SPATS2L: variants seen among roughly 807,000 people sequenced by gnomAD.
The protein encoded by SPATS2L is spermatogenesis associated serine rich 2 like.
Under a neutral mutation model 59.6 loss-of-function variants are expected in SPATS2L, and 30 were observed. The ratio of observed to expected loss-of-function variants is 0.50; its 90% CI spans 0.38 to 0.68. SPATS2L has a LOEUF of 0.68. Ranked by LOEUF, SPATS2L falls within the 30% of genes least tolerant of loss-of-function variation. SPATS2L has a pLI of 0.00. For missense variants in SPATS2L, 615 were observed against 700.0 expected (o/e 0.88, Z 1.37); for synonymous variants, 252 against 263.5 (o/e 0.96, Z 0.42).
intron 3 of SPATS2L, among the ~76,000 whole-genome samples, chr2:200,395,689 C>T (rs948687319): frequency 2.0e-5 from 3 of 151,832 alleles, no homozygotes; most frequent in African/African-American, 7.3e-5. Flanking sequence ...GTTTATTTCA[C>T]AATTAAAAAA....
chr2:200,477,131 A>C (rs779753554), intron 12 of SPATS2L, among the ~76,000 whole-genome samples: 14 of 152,216 alleles, frequency 9.2e-5, no homozygotes, highest in Non-Finnish European at 1.8e-4. Flanking sequence ...GTTTTGGAAA[A>C]GGCAATATTT....
At chr2:200,453,766 G>T (rs1399275853) in intron 8 of SPATS2L, among the ~76,000 whole-genome samples, 1 of 152,232 alleles carries the variant, frequency 6.6e-6, no homozygotes, top group Non-Finnish European at 1.5e-5. Context: ...AGAGCCCACA[G>T]TGGAGGGAGA....
rs529689319 is a variant in SPATS2L, at chr2:200,388,110, C to T, written c.-22-1113C>T. On this transcript the variant is annotated intron_variant, in intron 2 of 12. Coordinates refer to ENST00000409140, the MANE Select transcript of SPATS2L (RefSeq NM_001100423.2). ...ATGAAATTATGGACAATAAAAATTA[C>T]AATGAAGATACATATGTATCAATCT... 5.3e-5 allele frequency among the ~76,000 whole-genome samples: 8 copies of T among 152,152 alleles called. 1 individual carries two copies. In the East Asian group the frequency reaches 7.7e-4, roughly 15 times the overall value.
chr2:200,337,556 G>A (rs2080182933), intron 2 of SPATS2L, among the ~76,000 whole-genome samples: 1 of 152,110 alleles, frequency 6.6e-6, no homozygotes, highest in South Asian at 2.1e-4. Flanking sequence ...GGGTACCTGG[G>A]CATTTTCTGG....
intron 2 of SPATS2L, among the ~76,000 whole-genome samples, chr2:200,376,413 T>C (rs1317345609): frequency 6.6e-6 from 1 of 152,212 alleles, no homozygotes; most frequent in Non-Finnish European, 1.5e-5. Context: ...CTAAAGGGAA[T>C]TAAAATCATA....
intron 1 of SPATS2L, among the ~76,000 whole-genome samples, chr2:200,321,756 C>T (rs1440954357): frequency 6.6e-6 from 1 of 152,130 alleles, no homozygotes; most frequent in East Asian, 1.9e-4. Flanking sequence ...ACTTACAGTT[C>T]TTTAGTGTCT....
chr2:200,386,977 G>A (rs2082012895), intron 2 of SPATS2L, among the ~76,000 whole-genome samples: 3 of 152,204 alleles, frequency 2.0e-5, no homozygotes, highest in Admixed American at 2.0e-4. Context: ...ATTGCAGACT[G>A]TCTTGCAGGC....
At chr2:200,338,191 A>G (rs2080205248) in intron 2 of SPATS2L, among the ~76,000 whole-genome samples, 1 of 151,836 alleles carries the variant, frequency 6.6e-6, no homozygotes, top group Admixed American at 6.6e-5. Flanking sequence ...CTCCTGGCTA[A>G]TTTTTGTATT....
intron 3 of SPATS2L, among the ~76,000 whole-genome samples, chr2:200,411,692 A>T (rs1476036922): frequency 2.6e-5 from 4 of 152,148 alleles, no homozygotes; most frequent in Non-Finnish European, 4.4e-5. Flanking sequence ...AACCTATTGA[A>T]ATCCTTAGTG....
At chr2:200,387,632 A>G (rs3769450) in intron 2 of SPATS2L, among the ~76,000 whole-genome samples, 51,855 of 152,104 alleles carry the variant, frequency 0.34, 9,710 homozygotes, top group Admixed American at 0.48. Flanking sequence ...AGTGGGGAAG[A>G]ATCAGAGAAT....
chr2:200,364,964 T>G (rs767782948), intron 2 of SPATS2L, among the ~76,000 whole-genome samples: 1 of 152,210 alleles, frequency 6.6e-6, no homozygotes, highest in Non-Finnish European at 1.5e-5. Context: ...TTTTATTGAT[T>G]AAGAAAGTCT....
chr2:200,414,062 AG>A (rs1350671040), intron 4 of SPATS2L, among the ~76,000 whole-genome samples: 2 of 152,162 alleles, frequency 1.3e-5, no homozygotes, highest in African/African-American at 4.8e-5. Flanking sequence ...GCTTTAGGAA[AG>A]GGTAAAGGCT....
chr2:200,428,590 C>T (rs1287337397), intron 6 of SPATS2L, among the ~76,000 whole-genome samples: 2 of 152,164 alleles, frequency 1.3e-5, no homozygotes, highest in African/African-American at 4.8e-5. Flanking sequence ...CTCACAAACT[C>T]ATCTTCCTAG....
intron 2 of SPATS2L, among the ~76,000 whole-genome samples, chr2:200,361,002 T>C (rs2081082871): frequency 6.6e-6 from 1 of 151,304 alleles, no homozygotes; most frequent in Admixed American, 6.6e-5. Context: ...TGTGTGACTG[T>C]GTATGTGTGT....
At chr2:200,313,998 A>G (rs192282499) in intron 1 of SPATS2L, among the ~76,000 whole-genome samples, 23 of 152,168 alleles carry the variant, frequency 1.5e-4, no homozygotes, top group African/African-American at 5.3e-4. Context: ...AGCCTCCCCT[A>G]CAGTTCAGCC....
rs553679045 is a variant in SPATS2L at position 200,383,604 on chromosome 2, A to G, written c.-22-5619A>G. Among the ~76,000 whole-genome samples, 7 of 152,310 alleles carry G rather than the reference A, an allele frequency of 4.6e-5. No individual in the cohort carries two copies. The South Asian group carries it at 1.4e-3, about 32-fold the overall frequency. On this transcript the variant is annotated intron_variant, in intron 2 of 12. Transcript: ENST00000409140. ...AGCTCCCTGGTTAAGTCTGTTGATT[A>G]GCCAGAAAGTCAAGTCGATCCAGTC...
intron 3 of SPATS2L, among the ~76,000 whole-genome samples, chr2:200,403,336 A>G (rs2082591841): frequency 6.6e-6 from 1 of 152,214 alleles, no homozygotes; most frequent in African/African-American, 2.4e-5. Context: ...CTTATGAAAA[A>G]TTGCAGAAGA....
intron 8 of SPATS2L, 68 bp from the exon 9 acceptor site, chr2:200,459,701 G>T: frequency 8.5e-7 from 1 of 1,179,792 alleles, no homozygotes; most frequent in Non-Finnish European, 1.2e-6. Context: ...TTTACTTTCA[G>T]TGCTTATTAA....
intron 8 of SPATS2L, among the ~76,000 whole-genome samples, chr2:200,444,051 T>C (rs985671129): frequency 2.0e-5 from 3 of 152,358 alleles, no homozygotes; most frequent in East Asian, 1.9e-4. Flanking sequence ...GATGATACAA[T>C]GCTCTCACAA....
Sources: allele counts gnomAD v4.1 joint callset (sites outside exome capture counted in the v4.1 genomes callset), GRCh38; gene constraint gnomAD v4.1.1; transcripts MANE v1.5; gene names NCBI Gene and HGNC (gene_info 2026-07-23, HGNC 2026-07-21).